The following DMD variants were observed in gnomAD, a reference collection of about 807,000 sequenced individuals.
DMD encodes the protein dystrophin.
A neutral mutation model predicts 330.1 loss-of-function variants in DMD; 63 were observed. The observed-to-expected ratio is 0.19, with a 90% CI of 0.16 to 0.24. The LOEUF is 0.24. DMD is among the 10% of genes least tolerant of loss of function. The pLI is 1.00. For missense variants in DMD, 3,344 were observed against 2,684.1 expected (o/e 1.25, Z -5.43); for synonymous variants, 1,223 against 959.8 (o/e 1.27, Z -5.07).
chrX:32,422,493 C>T (rs1348461614), intron 29 of DMD, among the ~76,000 whole-genome samples: 1 of 111,234 alleles, frequency 9.0e-6, no homozygotes, highest in African/African-American at 3.3e-5. Context: ...TAAGAAAATG[C>T]AATCAGTTGG....
intron 9 of DMD, among the ~76,000 whole-genome samples, chrX:32,661,958 C>T (rs2060977297): frequency 9.0e-6 from 1 of 111,507 alleles, no homozygotes; most frequent in Non-Finnish European, 1.9e-5. Context: ...ACTTAAAACA[C>T]ACCCATTGGT....
intron 39 of DMD, among the ~76,000 whole-genome samples, chrX:32,344,417 T>C: frequency 8.9e-6 from 1 of 111,864 alleles, no homozygotes. Context: ...GATTAATCAC[T>C]TATAGCCTGT....
At chrX:32,719,986 A>G (rs891173275) in intron 7 of DMD, among the ~76,000 whole-genome samples, 1 of 109,293 alleles carries the variant, frequency 9.1e-6, no homozygotes, top group Non-Finnish European at 1.9e-5. Flanking sequence ...ATATATATAT[A>G]TACACACACA....
chrX:33,253,766 T>C (rs991549015), intron 1 of DMD, among the ~76,000 whole-genome samples: 2 of 111,434 alleles, frequency 1.8e-5, no homozygotes, highest in Non-Finnish European at 3.8e-5. Flanking sequence ...GGTCATCTAG[T>C]CTCTAATGAG....
intron 11 of DMD, among the ~76,000 whole-genome samples, chrX:32,617,220 A>T (rs928701328): frequency 1.8e-5 from 2 of 110,625 alleles, no homozygotes; most frequent in Non-Finnish European, 3.8e-5. Flanking sequence ...GTTAACCAAT[A>T]AAAAAAACAG....
Position 31,209,575 on chromosome X carries a change from C to T in DMD, c.9486G>A (p.Glu3162=), listed in dbSNP as rs370724251. 1.5e-4 allele frequency: 176 copies of T among 1,209,575 alleles called. No individual in the cohort carries two copies. The East Asian group carries it at 2.9e-3, about 20-fold the overall frequency. Residue 3162 remains glutamate (E), a synonymous_variant, in exon 65 of 79, where the codon GAG becomes GAA. Transcript: ENST00000357033. The part of the protein sequence containing the change: ...NCLTTIYDRL[E]QEHNNLVNVP... ...CGTTGACCAAATTGTTGTGCTCTTG[C>T]TCCAGGCGGTCATAAATAGTGGTCA...
chrX:31,803,737 T>C (rs1229893351), intron 50 of DMD, among the ~76,000 whole-genome samples: 1 of 107,867 alleles, frequency 9.3e-6, no homozygotes, highest in Non-Finnish European at 1.9e-5. Flanking sequence ...TTCACTCTTG[T>C]TGCCCAGGCT....
chrX:31,556,164 G>A (rs1183501807), intron 55 of DMD, among the ~76,000 whole-genome samples: 3 of 109,756 alleles, frequency 2.7e-5, no homozygotes, highest in Non-Finnish European at 5.7e-5. Flanking sequence ...TCAGGAGATC[G>A]AGACCATCCT....
chrX:32,707,665 T>A (rs1198091345), intron 7 of DMD, among the ~76,000 whole-genome samples: 1 of 112,179 alleles, frequency 8.9e-6, no homozygotes, highest in Non-Finnish European at 1.9e-5. Context: ...TTTACATATG[T>A]TAAATATATT....
chrX:31,375,151 G>A (rs992626437), intron 60 of DMD, among the ~76,000 whole-genome samples: 1 of 112,118 alleles, frequency 8.9e-6, no homozygotes, highest in African/African-American at 3.2e-5. Flanking sequence ...CATCGCCAAG[G>A]TCTGACTTTT....
At chrX:32,571,463 T>C (rs752960041) in intron 15 of DMD, among the ~76,000 whole-genome samples, 2 of 111,656 alleles carry the variant, frequency 1.8e-5, no homozygotes, top group South Asian at 7.5e-4. Flanking sequence ...CTGCTCAATC[T>C]TTTGGTCAAC....
chrX:32,819,466 A>C (rs1338414584), intron 5 of DMD, among the ~76,000 whole-genome samples: 2 of 111,479 alleles, frequency 1.8e-5, no homozygotes, highest in Non-Finnish European at 3.8e-5. Context: ...AAAAAAAAAG[A>C]ATTGCACTTA....
At chrX:32,925,408 G>C (rs1257069125) in intron 2 of DMD, among the ~76,000 whole-genome samples, 2 of 110,368 alleles carry the variant, frequency 1.8e-5, no homozygotes, top group African/African-American at 6.6e-5. Flanking sequence ...TAGAACCCCT[G>C]ATTCAGGTAA....
At chrX:31,166,927 T>A (rs1226195446) in intron 74 of DMD, among the ~76,000 whole-genome samples, 1 of 111,597 alleles carries the variant, frequency 9.0e-6, no homozygotes, top group African/African-American at 3.3e-5. Context: ...GTAGGCCTGG[T>A]GTTATGTTTT....
intron 43 of DMD, among the ~76,000 whole-genome samples, chrX:32,244,199 G>A (rs192139438): frequency 9.9e-6 from 1 of 100,608 alleles, no homozygotes; most frequent in African/African-American, 3.6e-5. Flanking sequence ...CTATGAGTGA[G>A]AATATGCAGT....
In DMD at chrX:32,386,451, A is replaced by G. The variant is rs1446495967; in HGVS notation, c.4533T>C (p.Ser1511=). Residue 1511 remains serine, a synonymous_variant, in exon 33 of 79, where the codon AGT becomes AGC. Coordinates refer to ENST00000357033, the MANE Select transcript of DMD (RefSeq NM_004006.3). ...QLNHCVNLYK[S]LSEVKSEVEM... ...CCACTTCAGACTTCACTTCACTCAG[A>G]CTTTTATACAAGTTCTAAGTTTAAA... 7 of 1,201,018 alleles carry G rather than the reference A, an allele frequency of 5.8e-6. No individual in the cohort carries two copies. In the African/African-American group the frequency reaches 1.2e-4, roughly 21 times the overall value.
chrX:32,714,767 T>A (rs2065522740), intron 7 of DMD, among the ~76,000 whole-genome samples: 2 of 112,176 alleles, frequency 1.8e-5, no homozygotes, highest in South Asian at 7.4e-4. Flanking sequence ...TACTTTCTTG[T>A]GCGGTTTACT....
At chrX:32,772,393 A>T (rs1380265796) in intron 7 of DMD, among the ~76,000 whole-genome samples, 2 of 112,676 alleles carry the variant, frequency 1.8e-5, no homozygotes, top group Non-Finnish European at 3.7e-5. Flanking sequence ...ATTAAAATAA[A>T]CATCATTTAA....
chrX:32,440,308 C>A (rs1428307355), intron 28 of DMD, among the ~76,000 whole-genome samples: 4 of 111,420 alleles, frequency 3.6e-5, no homozygotes, highest in African/African-American at 1.3e-4. Context: ...CTTCATTGTA[C>A]TTTAATATCT....
Sources: gnomAD v4.1 joint callset for allele counts (sites outside exome capture counted in the v4.1 genomes callset) on GRCh38, gnomAD v4.1.1 for gene constraint, MANE v1.5 for transcripts, NCBI Gene and HGNC (gene_info 2026-07-23, HGNC 2026-07-21) for gene names.